Variants in NUP210 observed in about 807,000 individuals in gnomAD.
NUP210 encodes the protein nucleoporin 210.
In NUP210, 151 loss-of-function variants were observed where a neutral mutation model predicts 196.0. That is an observed-to-expected ratio of 0.77 (90% confidence interval 0.67 to 0.88). The LOEUF (loss-of-function observed/expected upper bound fraction) is 0.88, where lower values mean the gene tolerates loss of function less well. NUP210 is among the 40% of genes least tolerant of loss of function. The probability of loss-of-function intolerance (pLI) is 0.00; values close to 1 mark genes in which losing one functional copy is unlikely to be tolerated. For missense variants in NUP210, 2,314 were observed against 2,493.7 expected (o/e 0.93, Z 1.53); for synonymous variants, 1,070 against 1,052.7 (o/e 1.02, Z -0.32).
At chr3:13,328,587 C>T (rs1055513814) in intron 31 of NUP210, among the ~76,000 whole-genome samples, 184 bp downstream of exon 31, 4 of 152,366 alleles carry the variant, frequency 2.6e-5, no homozygotes, top group Non-Finnish European at 4.4e-5. Context: ...AGCTGGTCTA[C>T]ATCCCCCAAG....
At chr3:13,364,340 T>C (rs1198497511) in intron 14 of NUP210, among the ~76,000 whole-genome samples, 1 of 152,202 alleles carries the variant, frequency 6.6e-6, no homozygotes, top group Non-Finnish European at 1.5e-5. Flanking sequence ...GGAGCAGGGC[T>C]AGGCCTCTGA....
At chr3:13,320,722 C>A (rs1407749791) in intron 36 of NUP210, among the ~76,000 whole-genome samples, 1 of 151,202 alleles carries the variant, frequency 6.6e-6, no homozygotes, top group African/African-American at 2.4e-5. Context: ...ATGGTGAAAC[C>A]CCGTCTCTAC....
At position 13,319,883 on chromosome 3, in the gene NUP210, C is replaced by T. The variant is rs569081167; in HGVS notation, c.5263G>A (p.Ala1755Thr). 11 of 1,614,176 alleles carry T rather than the reference C, an allele frequency of 6.8e-6. No individual in the cohort carries two copies. The highest frequency in any genetic ancestry group is 3.3e-5 in the South Asian group (3 of 91,090). ...ITYTVGVLDPAAGSQGPLSTT... is the reference protein window; with the variant it reads ...ITYTVGVLDPTAGSQGPLSTT... ...GACAGAGGCCCTTGGCTGCCAGCCG[C>T]GGGGTCCAAGACGCCGACCGTGTAT... Residue 1755 changes from alanine to threonine, a missense_variant, in exon 37 of 40, where the codon GCG becomes ACG. Ala to Thr is a moderately conservative substitution (Grantham distance 58). Transcript: ENST00000254508.
chr3:13,419,364 G>A (rs1700455960), intron 1 of NUP210, among the ~76,000 whole-genome samples: 1 of 152,164 alleles, frequency 6.6e-6, no homozygotes, highest in East Asian at 1.9e-4. Flanking sequence ...TCGGTCTCTG[G>A]TTTCATGGGT....
In NUP210 at chr3:13,341,824, A is replaced by G; in HGVS notation, c.3152T>C (p.Ile1051Thr). 6.2e-7 allele frequency: 1 copy of G among 1,614,142 alleles called. No individual in the cohort carries two copies. The highest frequency in any genetic ancestry group is 1.1e-5 in the South Asian group (1 of 91,088). Residue 1051 changes from isoleucine (I) to threonine (T), a missense_variant, in exon 23 of 40, where the codon ATC becomes ACC. Physicochemically the swap from Ile to Thr is moderately conservative, Grantham distance 89 (BLOSUM62 -1). Transcript: ENST00000254508. ...TITFLIRGVA[I>T]GQTSLTASVT... Reference sequence around the variant, plus strand: ...ACTTGCAGTTAGACTGGTCTGGCCGATGGCCACACCGCGGATGAGGAATGT... The same window carrying G: ...ACTTGCAGTTAGACTGGTCTGGCCGGTGGCCACACCGCGGATGAGGAATGT...
chr3:13,319,407 T>A, intron 37 of NUP210, 82 bp from the exon 38 acceptor site: 1 of 1,162,650 alleles, frequency 8.6e-7, no homozygotes, highest in Non-Finnish European at 1.3e-6. Context: ...ACTGTACGTC[T>A]ACAGGGCAGT....
At chr3:13,327,196 C>A (rs1357070655) in intron 32 of NUP210, 21 bp downstream of exon 32, 2 of 1,598,520 alleles carry the variant, frequency 1.3e-6, no homozygotes, top group African/African-American at 2.7e-5. Flanking sequence ...CACAGGTTCC[C>A]TTGCTCAGGA....
chr3:13,411,412 GCTC>G (rs1227206612), intron 1 of NUP210, among the ~76,000 whole-genome samples: 4 of 152,330 alleles, frequency 2.6e-5, no homozygotes, highest in Non-Finnish European at 4.4e-5. Context: ...TTGGACCCAG[GCTC>G]CTCATTTGTA....
At chr3:13,383,369 C>T (rs1357936112) in intron 6 of NUP210, among the ~76,000 whole-genome samples, 6 of 152,142 alleles carry the variant, frequency 3.9e-5, no homozygotes, top group Non-Finnish European at 8.8e-5. Flanking sequence ...TGCCTCTTTC[C>T]TTTCCTGTCC....
Position 13,368,754 on chromosome 3 carries a change from C to T in NUP210, c.1787-2663G>A, listed in dbSNP as rs190315876. On this transcript the variant is annotated intron_variant, in intron 13 of 39. Coordinates refer to ENST00000254508, the MANE Select transcript of NUP210 (RefSeq NM_024923.4). ...GGTTCTTCCATGTTGCAGCATGGGT[C>T]GGAATTTCCTTCCTTCTTAAGGCTG... 1.2e-3 allele frequency among the ~76,000 whole-genome samples: 184 copies of T among 152,294 alleles called. 4 individuals carry two copies. Among genetic ancestry groups the T allele is most frequent in the African/African-American group, 3.2e-3 (132 of 41,552 alleles).
chr3:13,332,216 G>A, intron 29 of NUP210, 77 bp downstream of exon 29: 3 of 1,184,952 alleles, frequency 2.5e-6, no homozygotes, highest in Admixed American at 1.7e-5. Flanking sequence ...CATGGCTCCT[G>A]ACAGTGTTGA....
At position 13,347,764 on chromosome 3, in the gene NUP210, C is replaced by T. The variant is rs1022643313; in HGVS notation, c.2835+4115G>A. ...GCCACAGCCACGAGTAGACATCCCTCGGAAACAGTCGCCTGCAACTGTTTC... is the reference window on the plus strand; with the variant it reads ...GCCACAGCCACGAGTAGACATCCCTTGGAAACAGTCGCCTGCAACTGTTTC... On this transcript the variant is annotated intron_variant, in intron 20 of 39. Coordinates refer to ENST00000254508, the MANE Select transcript of NUP210 (RefSeq NM_024923.4). This position sits in a 1 kb window ranked among gnomAD's most constrained non-coding sequence, Gnocchi z 4.7. Among the ~76,000 whole-genome samples, 2 of 152,234 alleles carry T rather than the reference C, an allele frequency of 1.3e-5. No homozygotes were observed. The highest frequency in any genetic ancestry group is 4.8e-5 in the African/African-American group (2 of 41,462).
rs533429408 is a variant in NUP210, at chr3:13,384,167, T to C, written c.817+2108A>G. ...TAGTAGAGGCGGGGTTTCACCATGT[T>C]GGTCAGGCTGGTCTCGAACCCCTGA... On this transcript the variant is annotated intron_variant, in intron 6 of 39. Coordinates refer to ENST00000254508, the MANE Select transcript of NUP210 (RefSeq NM_024923.4). Among the ~76,000 whole-genome samples, 634 of 152,058 alleles carry C rather than the reference T, an allele frequency of 4.2e-3. 1 individual carries two copies. The highest frequency in any genetic ancestry group is 8.1e-3 in the South Asian group (39 of 4,824).
intron 3 of NUP210, 70 bp downstream of exon 3, chr3:13,397,287 G>T (rs529741236): frequency 1.3e-6 from 2 of 1,551,812 alleles, no homozygotes; most frequent in African/African-American, 2.8e-5. Context: ...AATGCAGAGA[G>T]GCCAGAGTCA....
At chr3:13,342,171 C>T in intron 21 of NUP210, 48 bp from the exon 22 acceptor site, 2 of 1,609,896 alleles carry the variant, frequency 1.2e-6, no homozygotes, top group Non-Finnish European at 8.5e-7. Flanking sequence ...AAAGACCAAT[C>T]CTACCATCTA....
At chr3:13,378,787 T>A (rs1871809) in intron 8 of NUP210, 125 bp downstream of exon 8, 53,393 of 739,118 alleles carry the variant, frequency 0.072, 3,844 homozygotes, top group East Asian at 0.29. Context: ...ATGATGGTCA[T>A]AGCAAGTGGC....
intron 11 of NUP210, among the ~76,000 whole-genome samples, chr3:13,374,849 C>T (rs866403976): frequency 6.6e-6 from 1 of 152,218 alleles, no homozygotes; most frequent in East Asian, 1.9e-4. Flanking sequence ...AGTGCACAGA[C>T]AGGACACCTG....
Position 13,321,776 on chromosome 3 carries a change from T to C in NUP210, c.4975A>G (p.Ser1659Gly), listed in dbSNP as rs1206660256. ...ACCACCAGAGCTGTCTTCTTCATGCTCAGGTGCTTCCGCTGCTTGTCCGTC... is the reference window on the plus strand; with the variant it reads ...ACCACCAGAGCTGTCTTCTTCATGCCCAGGTGCTTCCGCTGCTTGTCCGTC... Reference protein sequence around the residue: ...RLTDKQRKHLSMKKTALVVSA... With the variant: ...RLTDKQRKHLGMKKTALVVSA... The change falls in exon 36 of 40, where the codon AGC becomes GGC. Residue 1659 changes from serine (S) to glycine (G), a missense_variant. By Grantham distance (56) the Ser-to-Gly change is moderately conservative. Coordinates refer to ENST00000254508, the MANE Select transcript of NUP210 (RefSeq NM_024923.4). 1 of 1,612,528 alleles carries C rather than the reference T, an allele frequency of 6.2e-7. No homozygotes were observed. The highest frequency in any genetic ancestry group is 8.5e-7 in the Non-Finnish European group (1 of 1,180,032).
At chr3:13,414,686 C>T (rs575752553) in intron 1 of NUP210, among the ~76,000 whole-genome samples, 2 of 152,334 alleles carry the variant, frequency 1.3e-5, no homozygotes, top group African/African-American at 4.8e-5. Context: ...TTTGCACTTG[C>T]TGTCCCCTCC....
Sources: gnomAD v4.1 joint callset for allele counts (sites outside exome capture counted in the v4.1 genomes callset) on GRCh38, gnomAD v4.1.1 for gene constraint, Gnocchi (gnomAD v3.1) non-coding constraint, MANE v1.5 for transcripts, NCBI Gene and HGNC (gene_info 2026-07-23, HGNC 2026-07-21) for gene names.